Variants in BMPR1B observed in about 807,000 individuals in gnomAD.
BMPR1B encodes the protein bone morphogenetic protein receptor type-1B.
In BMPR1B, 12 loss-of-function variants were observed where a neutral mutation model predicts 59.1. The observed-to-expected ratio is 0.20, with a 90% CI of 0.13 to 0.33. BMPR1B has a LOEUF of 0.33. Ranked by LOEUF, BMPR1B falls within the 10% of genes least tolerant of loss-of-function variation. The probability of loss-of-function intolerance (pLI) is 1.00; values close to 1 mark genes in which losing one functional copy is unlikely to be tolerated. For missense variants in BMPR1B, 550 were observed against 610.9 expected, an observed-to-expected ratio of 0.90 and a Z score of 1.05; for synonymous variants, 237 against 207.3, an observed-to-expected ratio of 1.14 and a Z score of -1.23.
In BMPR1B at chr4:94,999,481, A is replaced by G. The variant is rs559066522; in HGVS notation, c.-18+3347A>G. On this transcript the variant is annotated intron_variant, in intron 3 of 12. Transcript: ENST00000515059. ...ATGAAAATAGATATTTGCTGAACTC[A>G]TAAGTTTATTTGGGTAACAAGAGTC... Among the ~76,000 whole-genome samples, 13 of 152,092 alleles carry G rather than the reference A, an allele frequency of 8.5e-5. No individual in the cohort carries two copies. In the South Asian group the frequency reaches 2.5e-3, roughly 29 times the overall value.
intron 1 of BMPR1B, among the ~76,000 whole-genome samples, chr4:94,760,483 C>T (rs972961906): frequency 6.6e-6 from 1 of 152,108 alleles, no homozygotes; most frequent in African/African-American, 2.4e-5. Flanking sequence ...TTAAAATGTG[C>T]TTATCTTTTG....
intron 12 of BMPR1B, among the ~76,000 whole-genome samples, 181 bp from the exon 13 acceptor site, chr4:95,154,367 C>T (rs1200125885): frequency 6.6e-6 from 1 of 152,176 alleles, no homozygotes; most frequent in Non-Finnish European, 1.5e-5. Context: ...AAGACATGAA[C>T]ATCTGTTTTA....
rs559526484 is a variant in BMPR1B, at chr4:94,990,586, C to T, written c.-112-5454C>T. 3.9e-5 allele frequency among the ~76,000 whole-genome samples: 6 copies of T among 152,280 alleles called. No individual in the cohort carries two copies. In the South Asian group the frequency reaches 1.2e-3, roughly 32 times the overall value. On this transcript the variant is annotated intron_variant, in intron 2 of 12. Coordinates refer to ENST00000515059, the MANE Select transcript of BMPR1B (RefSeq NM_001203.3). Reference sequence around the variant, plus strand: ...CATTTCTTTGATGAGGAAACTAAGTCACATATGTAACTTACAGTGTAACTG... The same window carrying T: ...CATTTCTTTGATGAGGAAACTAAGTTACATATGTAACTTACAGTGTAACTG...
At chr4:94,817,614 C>T (rs914646791) in intron 1 of BMPR1B, among the ~76,000 whole-genome samples, 2 of 151,922 alleles carry the variant, frequency 1.3e-5, no homozygotes, top group African/African-American at 4.8e-5. Flanking sequence ...CTATTGCATT[C>T]AGCTGGTATC....
intron 2 of BMPR1B, among the ~76,000 whole-genome samples, chr4:94,878,521 A>G (rs1726825699): frequency 6.6e-6 from 1 of 152,216 alleles, no homozygotes; most frequent in Non-Finnish European, 1.5e-5. Context: ...TGGCCCAGGT[A>G]AACTAGGCTC....
intron 3 of BMPR1B, among the ~76,000 whole-genome samples, chr4:95,092,876 G>A (rs1216332956): frequency 6.6e-6 from 1 of 152,100 alleles, no homozygotes; most frequent in East Asian, 1.9e-4. Context: ...AATTTTTGGT[G>A]TGGAGGCAAG....
At chr4:94,957,018 A>G (rs1730165662) in intron 2 of BMPR1B, among the ~76,000 whole-genome samples, 2 of 152,222 alleles carry the variant, frequency 1.3e-5, no homozygotes, top group South Asian at 2.1e-4. Context: ...TACTATGTTG[A>G]TACACACAGC....
intron 1 of BMPR1B, among the ~76,000 whole-genome samples, chr4:94,844,748 G>C (rs926956577): frequency 6.6e-6 from 1 of 151,868 alleles, no homozygotes; most frequent in African/African-American, 2.4e-5. Flanking sequence ...ACCAGATTTT[G>C]CTCTGGGAAA....
At chr4:94,980,797 C>G (rs969257596) in intron 2 of BMPR1B, among the ~76,000 whole-genome samples, 19 of 152,116 alleles carry the variant, frequency 1.2e-4, no homozygotes, top group Admixed American at 2.6e-4. Context: ...ATATAGTCTA[C>G]TAGACAAGGG....
At chr4:95,126,710 A>G (rs1319854494) in intron 8 of BMPR1B, among the ~76,000 whole-genome samples, 1 of 152,208 alleles carries the variant, frequency 6.6e-6, no homozygotes, top group Non-Finnish European at 1.5e-5. Context: ...GGAGGGTTCT[A>G]TAAAACTCAG....
At chr4:94,859,792 G>A (rs1725907797) in intron 1 of BMPR1B, among the ~76,000 whole-genome samples, 1 of 152,006 alleles carries the variant, frequency 6.6e-6, no homozygotes, top group African/African-American at 2.4e-5. Flanking sequence ...AAATATTTTT[G>A]TAATATTTTG....
intron 3 of BMPR1B, among the ~76,000 whole-genome samples, chr4:95,018,298 G>A (rs1723727738): frequency 6.6e-6 from 1 of 152,134 alleles, no homozygotes; most frequent in East Asian, 1.9e-4. Flanking sequence ...ATTGAGTTGG[G>A]AATTGTATGG....
chr4:94,792,565 A>T (rs1723025206), intron 1 of BMPR1B, among the ~76,000 whole-genome samples: 1 of 152,132 alleles, frequency 6.6e-6, no homozygotes. Context: ...AATGCCACAA[A>T]ATAGGGCTTT....
intron 1 of BMPR1B, among the ~76,000 whole-genome samples, chr4:94,871,320 A>G (rs1442397557): frequency 6.6e-6 from 1 of 152,194 alleles, no homozygotes; most frequent in Non-Finnish European, 1.5e-5. Context: ...TTGGTATGGT[A>G]AAAATATGGA....
At chr4:94,844,693 C>G (rs1725247096) in intron 1 of BMPR1B, among the ~76,000 whole-genome samples, 1 of 152,142 alleles carries the variant, frequency 6.6e-6, no homozygotes, top group Non-Finnish European at 1.5e-5. Context: ...GCTCCCCGCC[C>G]CAGATTGTTT....
At chr4:94,912,137 T>G (rs1322363776) in intron 2 of BMPR1B, among the ~76,000 whole-genome samples, 1 of 151,990 alleles carries the variant, frequency 6.6e-6, no homozygotes, top group Non-Finnish European at 1.5e-5. Flanking sequence ...ACTTATTCAC[T>G]ATCATGAGAA....
chr4:95,092,053 C>T (rs1441057424), intron 3 of BMPR1B, among the ~76,000 whole-genome samples: 1 of 152,022 alleles, frequency 6.6e-6, no homozygotes, highest in Non-Finnish European at 1.5e-5. Context: ...AATGTATCAA[C>T]TATACACTTC....
At chr4:94,898,406 G>A (rs113156646) in intron 2 of BMPR1B, among the ~76,000 whole-genome samples, 17 of 152,136 alleles carry the variant, frequency 1.1e-4, no homozygotes, top group African/African-American at 3.1e-4. Context: ...CACTTGTCAC[G>A]GGAGGCACCT....
intron 3 of BMPR1B, among the ~76,000 whole-genome samples, chr4:95,078,181 A>C (rs145905188): frequency 6.6e-6 from 1 of 152,338 alleles, no homozygotes; most frequent in East Asian, 1.9e-4. Flanking sequence ...CAATTAGCTA[A>C]AATTTTAAAA....
Sources: allele counts gnomAD v4.1 joint callset (sites outside exome capture counted in the v4.1 genomes callset), GRCh38; gene constraint gnomAD v4.1.1; transcripts MANE v1.5; gene names NCBI Gene and HGNC (gene_info 2026-07-23, HGNC 2026-07-21).